The following LRP1B variants were observed in gnomAD, a reference collection of about 807,000 sequenced individuals.
LRP1B encodes the protein low-density lipoprotein receptor-related protein 1B.
A neutral mutation model predicts 556.6 loss-of-function variants in LRP1B; 217 were observed. That is an observed-to-expected ratio of 0.39 (90% CI 0.35 to 0.44). The LOEUF is 0.44. Ranked by LOEUF, LRP1B falls within the 20% of genes least tolerant of loss-of-function variation. The pLI is 1.00. For synonymous variants in LRP1B, 2,047 were observed against 1,865.8 expected (o/e 1.10, Z -2.50); for missense variants, 5,053 against 5,620.8 (o/e 0.90, Z 3.23).
chr2:141,332,586 C>T (rs1573818526), intron 3 of LRP1B, among the ~76,000 whole-genome samples: 1 of 151,758 alleles, frequency 6.6e-6, no homozygotes, highest in Non-Finnish European at 1.5e-5. Flanking sequence ...GGAGAATGTT[C>T]TCACTGTTCT....
chr2:141,291,673 G>A lies in LRP1B; in HGVS notation c.344-37032C>T, dbSNP rs1435126675. Among the ~76,000 whole-genome samples the A allele has an allele frequency of 1.1e-4, 16 of 151,914 alleles. No homozygotes were observed. In the East Asian group the frequency reaches 2.3e-3, roughly 22 times the overall value. On this transcript the variant is annotated intron_variant, in intron 3 of 90. Coordinates refer to ENST00000389484, the MANE Select transcript of LRP1B (RefSeq NM_018557.3). ...ATATCGAGACCATCCTGGCTAACAC[G>A]GTGAAACCCCGTCTCTACTGAAAAT... is the stretch of plus-strand genomic sequence containing the variant.
At chr2:140,473,245 T>C (rs2105345285) in intron 60 of LRP1B, among the ~76,000 whole-genome samples, 1 of 152,142 alleles carries the variant, frequency 6.6e-6, no homozygotes, top group South Asian at 2.1e-4. Flanking sequence ...ATAAGGCACT[T>C]AATGAATTTT....
intron 56 of LRP1B, among the ~76,000 whole-genome samples, chr2:140,493,134 G>A (rs900147652): frequency 1.3e-5 from 2 of 152,142 alleles, no homozygotes; most frequent in African/African-American, 4.8e-5. Context: ...TGAAGACCAA[G>A]AGTATCACTG....
chr2:140,672,482 T>TAAA lies in LRP1B; in HGVS notation c.6799+27765_6799+27767dup, dbSNP rs55884730. ...CTGGGTGACAGAATGAGACTCCATCTAAAAAAAAAAAAAAAAAAAAAAAAA... is the reference window on the plus strand; with the variant it reads ...CTGGGTGACAGAATGAGACTCCATCTAAAAAAAAAAAAAAAAAAAAAAAAAAAA... On this transcript the variant is annotated intron_variant, in intron 41 of 90. Coordinates refer to ENST00000389484, the MANE Select transcript of LRP1B (RefSeq NM_018557.3). Among the ~76,000 whole-genome samples, 570 of 81,540 alleles carry TAAA rather than the reference T, an allele frequency of 7.0e-3. 13 individuals are homozygous for TAAA. The highest frequency in any genetic ancestry group is 0.02 in the African/African-American group (365 of 18,252). 53.5% of individuals were successfully genotyped at this position (81,540 alleles called of 152,430 possible).
intron 29 of LRP1B, among the ~76,000 whole-genome samples, chr2:140,849,220 A>G (rs1448526667): frequency 9.5e-6 from 1 of 105,210 alleles, no homozygotes; most frequent in African/African-American, 3.1e-5. Flanking sequence ...AAAAAAAAAA[A>G]AAAATAGCCA....
chr2:141,464,606 A>ATATATTTTT lies in LRP1B; in HGVS notation c.343+15789_343+15790insAAAAATATA. On this transcript the variant is annotated intron_variant, in intron 3 of 90. Transcript: ENST00000389484. ...TTTGTATATATATATATATATATATATTTTTTTAGTAGAGATGGGGTTTCA... is the reference window on the plus strand; with the variant it reads ...TTTGTATATATATATATATATATATATATATTTTTTTTTTTTAGTAGAGATGGGGTTTCA... Among the ~76,000 whole-genome samples the ATATATTTTT allele has an allele frequency of 1.8e-4, 16 of 90,540 alleles. 1 individual carries two copies. The highest frequency in any genetic ancestry group is 1.2e-3 in the Admixed American group (10 of 8,078). 59.4% of individuals were successfully genotyped at this position (90,540 alleles called of 152,430 possible).
chr2:140,644,984 A>G (rs115887706), intron 41 of LRP1B, among the ~76,000 whole-genome samples: 1 of 152,166 alleles, frequency 6.6e-6, no homozygotes, highest in Non-Finnish European at 1.5e-5. Context: ...GCCATTAAAC[A>G]TAAAATCTTC....
At chr2:141,695,389 A>G (rs1691700492) in intron 2 of LRP1B, among the ~76,000 whole-genome samples, 1 of 152,056 alleles carries the variant, frequency 6.6e-6, no homozygotes, top group Admixed American at 6.6e-5. Context: ...TAAAAGGGTC[A>G]TTGCAAAATT....
At chr2:140,921,842 A>G (rs1379740354) in intron 21 of LRP1B, among the ~76,000 whole-genome samples, 2 of 152,052 alleles carry the variant, frequency 1.3e-5, no homozygotes, top group African/African-American at 4.8e-5. Context: ...AAGAAAAGAA[A>G]GACAGTGCTT....
chr2:141,464,208 T>C (rs1682069131), intron 3 of LRP1B, among the ~76,000 whole-genome samples: 1 of 152,062 alleles, frequency 6.6e-6, no homozygotes, highest in Non-Finnish European at 1.5e-5. Flanking sequence ...GAGTTTACCC[T>C]TGCTAAAAAC....
intron 2 of LRP1B, among the ~76,000 whole-genome samples, chr2:141,543,427 A>C (rs1162027877): frequency 7.1e-6 from 1 of 140,594 alleles, no homozygotes; most frequent in East Asian, 2.5e-4. Context: ...AGGCAGGGGG[A>C]TTGCTTCAGC....
intron 1 of LRP1B, among the ~76,000 whole-genome samples, chr2:141,889,164 CATA>C (rs1344949535): frequency 6.6e-6 from 1 of 151,972 alleles, no homozygotes; most frequent in Non-Finnish European, 1.5e-5. Context: ...TTCCACTCTA[CATA>C]ATAATGCTTA....
intron 41 of LRP1B, among the ~76,000 whole-genome samples, chr2:140,669,234 TA>T (rs894915010): frequency 2.3e-4 from 35 of 151,976 alleles, no homozygotes; most frequent in Middle Eastern, 3.4e-3. Context: ...TATAGGGATA[TA>T]AAAAAAATAA....
intron 83 of LRP1B, among the ~76,000 whole-genome samples, chr2:140,302,357 ACT>A (rs1683871127): frequency 6.6e-6 from 1 of 151,584 alleles, no homozygotes; most frequent in Admixed American, 6.6e-5. Flanking sequence ...AAGTTCATCG[ACT>A]CTTCCCACTC....
intron 83 of LRP1B, among the ~76,000 whole-genome samples, chr2:140,307,717 TATAGTC>T (rs1048449670): frequency 9.2e-5 from 14 of 151,954 alleles, no homozygotes; most frequent in East Asian, 3.9e-4. Context: ...CCTTCAGTAA[TATAGTC>T]ATAGTCAGCT....
intron 41 of LRP1B, among the ~76,000 whole-genome samples, chr2:140,640,850 T>C (rs1684270375): frequency 1.3e-5 from 2 of 152,328 alleles, no homozygotes; most frequent in South Asian, 4.1e-4. Flanking sequence ...TCAGTAAGTA[T>C]TTGTTGAATG....
intron 31 of LRP1B, among the ~76,000 whole-genome samples, chr2:140,824,932 G>C (rs1369328868): frequency 6.6e-6 from 1 of 152,078 alleles, no homozygotes; most frequent in Admixed American, 6.6e-5. Flanking sequence ...ATCTACTTAT[G>C]TGCCAAAATT....
chr2:141,890,978 T>TA lies in LRP1B; in HGVS notation c.83-80578dup, dbSNP rs1323005588. On this transcript the variant is annotated intron_variant, in intron 1 of 90. Coordinates refer to ENST00000389484, the MANE Select transcript of LRP1B (RefSeq NM_018557.3). ...TCAATCATCTAGCTTTAGATCAGGC[T>TA]AAAAAGCCAGGGTCTAAGCAGCCAT... Among the ~76,000 whole-genome samples the TA allele has an allele frequency of 3.8e-4, 58 of 152,292 alleles. 1 individual carries two copies. The highest frequency in any genetic ancestry group is 3.1e-4 in the Non-Finnish European group (21 of 68,024).
At chr2:141,795,269 T>A (rs888902300) in intron 2 of LRP1B, among the ~76,000 whole-genome samples, 7 of 152,096 alleles carry the variant, frequency 4.6e-5, no homozygotes, top group African/African-American at 1.7e-4. Flanking sequence ...TACTTTTTTT[T>A]ATGCTGATCA....
Sources: gnomAD v4.1 joint callset for allele counts (sites outside exome capture counted in the v4.1 genomes callset) on GRCh38, gnomAD v4.1.1 for gene constraint, MANE v1.5 for transcripts, NCBI Gene and HGNC (gene_info 2026-07-23, HGNC 2026-07-21) for gene names.